CCSER1: variants seen among roughly 807,000 people sequenced by gnomAD.
CCSER1 encodes serine-rich coiled-coil domain-containing protein 1.
A neutral mutation model predicts 82.0 loss-of-function variants in CCSER1; 41 were observed. That is an observed-to-expected ratio of 0.50 (90% CI 0.39 to 0.65). The LOEUF (loss-of-function observed/expected upper bound fraction) is 0.65. Among genes scored for constraint, CCSER1 ranks in the 30% least tolerant of loss-of-function variants. The probability of loss-of-function intolerance (pLI) is 0.00; values close to 1 mark genes in which losing one functional copy is unlikely to be tolerated. For missense variants in CCSER1, 1,119 were observed against 1,064.2 expected, an observed-to-expected ratio of 1.05 and a Z score of -0.72; for synonymous variants, 414 against 383.9, an observed-to-expected ratio of 1.08 and a Z score of -0.92.
At chr4:90,354,713 TAC>T (rs1338660097) in intron 3 of CCSER1, among the ~76,000 whole-genome samples, 1 of 152,140 alleles carries the variant, frequency 6.6e-6, no homozygotes, top group African/African-American at 2.4e-5. Context: ...AGGTATTTTT[TAC>T]AGACTTTTAT....
intron 10 of CCSER1, among the ~76,000 whole-genome samples, chr4:91,596,107 C>T (rs1764566224): frequency 6.6e-6 from 1 of 151,938 alleles, no homozygotes. Context: ...CCACATGTGC[C>T]TTCTAAGTAC....
intron 1 of CCSER1, among the ~76,000 whole-genome samples, chr4:90,181,022 A>G (rs1043387116): frequency 2.6e-5 from 4 of 152,052 alleles, no homozygotes; most frequent in Non-Finnish European, 5.9e-5. Flanking sequence ...TCTTTACTTC[A>G]TGTGTTGTTG....
intron 9 of CCSER1, among the ~76,000 whole-genome samples, chr4:91,008,742 C>T (rs532092668): frequency 1.6e-4 from 24 of 152,204 alleles, no homozygotes; most frequent in African/African-American, 4.8e-4. Flanking sequence ...CTGATGTTAC[C>T]GGGTGGTCCT....
intron 10 of CCSER1, among the ~76,000 whole-genome samples, chr4:91,218,338 G>A (rs910732479): frequency 2.6e-5 from 4 of 152,182 alleles, no homozygotes; most frequent in Non-Finnish European, 5.9e-5. Flanking sequence ...CCCGGTTCCT[G>A]CTCGTGCCTC....
intron 7 of CCSER1, among the ~76,000 whole-genome samples, chr4:90,786,597 C>A (rs1370943315): frequency 6.6e-6 from 1 of 152,026 alleles, no homozygotes; most frequent in Non-Finnish European, 1.5e-5. Flanking sequence ...ATTTAAAATT[C>A]CATTTACAAA....
At chr4:90,442,962 C>T (rs940433623) in intron 4 of CCSER1, among the ~76,000 whole-genome samples, 3 of 151,998 alleles carry the variant, frequency 2.0e-5, no homozygotes, top group Non-Finnish European at 2.9e-5. Context: ...TCTAAGACCC[C>T]CAGTGGATGT....
chr4:91,471,091 A>G (rs1225523388), intron 10 of CCSER1, among the ~76,000 whole-genome samples: 3 of 152,306 alleles, frequency 2.0e-5, no homozygotes, highest in East Asian at 1.9e-4. Context: ...CTACAGTGCC[A>G]TGGGCTAATC....
chr4:90,514,652 AG>A lies in CCSER1; in HGVS notation c.1724+46300del. 1.3e-5 allele frequency among the ~76,000 whole-genome samples: 2 copies of A among 152,176 alleles called. 1 individual carries two copies. The highest frequency in any genetic ancestry group is 4.1e-4 in the South Asian group (2 of 4,822). Reference sequence around the variant, plus strand: ...GTGCCGGTAATCTCTGCTGTTTGGGAGGCTGAGGCAGGAGAATCACTTGAAC... The same window carrying A: ...GTGCCGGTAATCTCTGCTGTTTGGGAGCTGAGGCAGGAGAATCACTTGAAC... On this transcript the variant is annotated intron_variant, in intron 5 of 10. Coordinates refer to ENST00000509176, the MANE Select transcript of CCSER1 (RefSeq NM_001145065.2).
At chr4:91,487,542 T>A (rs934034586) in intron 10 of CCSER1, among the ~76,000 whole-genome samples, 3 of 152,170 alleles carry the variant, frequency 2.0e-5, no homozygotes, top group Non-Finnish European at 4.4e-5. Flanking sequence ...CTACCAACTA[T>A]TTACATTAAC....
intron 10 of CCSER1, among the ~76,000 whole-genome samples, chr4:91,290,851 G>A (rs1234137831): frequency 6.6e-6 from 1 of 151,730 alleles, no homozygotes; most frequent in Non-Finnish European, 1.5e-5. Context: ...ATTGAAAATT[G>A]AATAAATAAA....
At chr4:90,807,137 C>G (rs1276754521) in intron 7 of CCSER1, among the ~76,000 whole-genome samples, 1 of 152,108 alleles carries the variant, frequency 6.6e-6, no homozygotes, top group African/African-American at 2.4e-5. Flanking sequence ...TAGCACAGAA[C>G]TACCTGGCTA....
In CCSER1 at chr4:91,218,006, G is replaced by A. The variant is rs552391025; in HGVS notation, c.2217+132012G>A. On this transcript the variant is annotated intron_variant, in intron 10 of 10. Coordinates refer to ENST00000509176, the MANE Select transcript of CCSER1 (RefSeq NM_001145065.2). ...CCTTGGGTGGTCGATGGGACTGGGC[G>A]CCGTGGAGCAGGGGGTGGTGCTTGT... Among the ~76,000 whole-genome samples the A allele has an allele frequency of 3.1e-4, 47 of 152,338 alleles. 1 individual carries two copies. In the South Asian group the frequency reaches 7.0e-3, roughly 23 times the overall value.
At chr4:91,298,321 C>G (rs1253214946) in intron 10 of CCSER1, among the ~76,000 whole-genome samples, 1 of 152,046 alleles carries the variant, frequency 6.6e-6, no homozygotes, top group Non-Finnish European at 1.5e-5. Context: ...TTGCTGGAAG[C>G]TGCAGAAAAC....
At chr4:91,403,003 A>G (rs937079319) in intron 10 of CCSER1, among the ~76,000 whole-genome samples, 4 of 152,074 alleles carry the variant, frequency 2.6e-5, no homozygotes, top group East Asian at 1.9e-4. Flanking sequence ...CCATTTTCAC[A>G]ATATTGATTC....
chr4:91,568,544 CATTTTT>C (rs1030229474), intron 10 of CCSER1, among the ~76,000 whole-genome samples: 1 of 152,066 alleles, frequency 6.6e-6, no homozygotes, highest in African/African-American at 2.4e-5. Flanking sequence ...TTTGTTCATT[CATTTTT>C]ATTTTTGTTT....
chr4:91,128,030 T>C (rs1443207932), intron 10 of CCSER1, among the ~76,000 whole-genome samples: 1 of 152,042 alleles, frequency 6.6e-6, no homozygotes, highest in Non-Finnish European at 1.5e-5. Flanking sequence ...TGTTCAACCA[T>C]GAATCTTATC....
At chr4:90,468,162 G>A (rs906912148) in intron 4 of CCSER1, 72 bp from the exon 5 acceptor site, 47 of 1,282,886 alleles carry the variant, frequency 3.7e-5, no homozygotes, top group Non-Finnish European at 3.8e-5. Context: ...AATATAGAAA[G>A]GGGAAAAAGG....
intron 4 of CCSER1, among the ~76,000 whole-genome samples, chr4:90,444,565 T>G (rs1760363581): frequency 6.6e-6 from 1 of 152,088 alleles, no homozygotes; most frequent in African/African-American, 2.4e-5. Context: ...TTGTTAATAT[T>G]TACACTTCCC....
intron 5 of CCSER1, among the ~76,000 whole-genome samples, chr4:90,622,984 C>T (rs1292264730): frequency 2.0e-5 from 3 of 149,460 alleles, no homozygotes; most frequent in African/African-American, 4.9e-5. Context: ...TGGTATTTTG[C>T]TGATGTTTTA....
Sources: gnomAD v4.1 joint callset for allele counts (sites outside exome capture counted in the v4.1 genomes callset) on GRCh38, gnomAD v4.1.1 for gene constraint, MANE v1.5 for transcripts, NCBI Gene and HGNC (gene_info 2026-07-23, HGNC 2026-07-21) for gene names.